Variants in ADARB2 observed in about 807,000 individuals in gnomAD.
The protein encoded by ADARB2 is inactive double-stranded RNA-specific editase B2.
Under a neutral mutation model 62.2 loss-of-function variants are expected in ADARB2, and 25 were observed. The observed-to-expected ratio is 0.40, with a 90% CI of 0.29 to 0.56. ADARB2 has a LOEUF of 0.56. Among genes scored for constraint, ADARB2 ranks in the 20% least tolerant of loss-of-function variants. The pLI, the probability that ADARB2 is intolerant of heterozygous loss-of-function variation, is 0.43. For missense variants in ADARB2, 1,071 were observed against 1,077.4 expected (o/e 0.99, Z 0.08); for synonymous variants, 572 against 500.8 (o/e 1.14, Z -1.90).
chr10:1,279,311 TG>T (rs1198924174), intron 3 of ADARB2, among the ~76,000 whole-genome samples: 6 of 152,244 alleles, frequency 3.9e-5, no homozygotes, highest in African/African-American at 9.6e-5. Context: ...ATCATTTGTT[TG>T]TTTGTTTGTC....
chr10:1,463,754 A>T (rs1408501891), intron 1 of ADARB2, among the ~76,000 whole-genome samples: 1 of 152,250 alleles, frequency 6.6e-6, no homozygotes, highest in Non-Finnish European at 1.5e-5. Flanking sequence ...GAAGCCACAG[A>T]CAGGGAGAAA....
At chr10:1,587,075 G>A (rs1833190196) in intron 1 of ADARB2, among the ~76,000 whole-genome samples, 1 of 152,092 alleles carries the variant, frequency 6.6e-6, no homozygotes, top group Non-Finnish European at 1.5e-5. Context: ...AAAGATTTTT[G>A]TTTCATTAAT....
intron 1 of ADARB2, among the ~76,000 whole-genome samples, chr10:1,601,822 C>A (rs568342544): frequency 2.6e-5 from 4 of 152,144 alleles, no homozygotes; most frequent in African/African-American, 9.7e-5. Context: ...CCTTGTGGGT[C>A]ACAGTGAGAA....
At chr10:1,453,715 G>C (rs1051026348) in intron 1 of ADARB2, among the ~76,000 whole-genome samples, 1 of 152,122 alleles carries the variant, frequency 6.6e-6, no homozygotes, top group Non-Finnish European at 1.5e-5. Flanking sequence ...TTTCTCCAAA[G>C]AAGGTAAACA....
At chr10:1,368,062 G>A (rs1246230966) in intron 2 of ADARB2, among the ~76,000 whole-genome samples, 1 of 152,138 alleles carries the variant, frequency 6.6e-6, no homozygotes, top group Non-Finnish European at 1.5e-5. Context: ...CACAGGCCCC[G>A]ATTCCCATTT....
intron 3 of ADARB2, among the ~76,000 whole-genome samples, chr10:1,272,571 A>G (rs1831273179): frequency 6.6e-6 from 1 of 152,204 alleles, no homozygotes; most frequent in African/African-American, 2.4e-5. Flanking sequence ...AAGCCGCTGT[A>G]GCCTGTAAAT....
intron 1 of ADARB2, among the ~76,000 whole-genome samples, chr10:1,523,929 C>G (rs1832106393): frequency 6.6e-6 from 1 of 152,196 alleles, no homozygotes; most frequent in Non-Finnish European, 1.5e-5. Context: ...TCTGTCTACT[C>G]AATATCCACC....
intron 1 of ADARB2, among the ~76,000 whole-genome samples, chr10:1,598,259 C>A (rs571482601): frequency 6.0e-5 from 9 of 150,994 alleles, no homozygotes; most frequent in African/African-American, 1.9e-4. Flanking sequence ...CTGGGACATC[C>A]CCTGCTGGGT....
At chr10:1,718,903 C>T (rs970765823) in intron 1 of ADARB2, among the ~76,000 whole-genome samples, 2 of 152,190 alleles carry the variant, frequency 1.3e-5, no homozygotes, top group African/African-American at 4.8e-5. Flanking sequence ...AAATTTACCT[C>T]GATTGTAGTG....
intron 1 of ADARB2, among the ~76,000 whole-genome samples, chr10:1,628,034 A>G (rs1423248414): frequency 6.6e-6 from 1 of 152,178 alleles, no homozygotes; most frequent in Non-Finnish European, 1.5e-5. Flanking sequence ...GCTTTCGCCC[A>G]TCCCTCTGTG....
At position 1,183,216 on chromosome 10, in the gene ADARB2, G is replaced by T; in HGVS notation, c.2197C>A (p.Gln733Lys). 2 of 1,613,534 alleles carry T rather than the reference G, an allele frequency of 1.2e-6. No homozygotes were observed. The highest frequency in any genetic ancestry group is 1.7e-6 in the Non-Finnish European group (2 of 1,179,994). ...GTWVRKPPEQ[Q>K]QFLLTL ...GCCTAGAGAGTCAGTAGAAACTGCT[G>T]CTGCTCCGGTGGTTTCCTCACCCAG... The change falls in exon 10 of 10, where the codon CAG becomes AAG. Residue 733 changes from glutamine to lysine, a missense_variant. Physicochemically the swap from Gln to Lys is moderately conservative, Grantham distance 53. Transcript: ENST00000381312.
In ADARB2 at chr10:1,559,754, G is replaced by C. The variant is rs189150900; in HGVS notation, c.100+177297C>G. 3.4e-3 allele frequency among the ~76,000 whole-genome samples: 525 copies of C among 152,324 alleles called. 3 individuals carry two copies. The highest frequency in any genetic ancestry group is 4.9e-3 in the Non-Finnish European group (334 of 68,026). On this transcript the variant is annotated intron_variant, in intron 1 of 9. Coordinates refer to ENST00000381312, the MANE Select transcript of ADARB2 (RefSeq NM_018702.4). ...TTACACATTTTAAGAAATTTCATAGGGTTTTCTGTAGATTTGACAGGTCTT... is the reference window on the plus strand; with the variant it reads ...TTACACATTTTAAGAAATTTCATAGCGTTTTCTGTAGATTTGACAGGTCTT...
intron 1 of ADARB2, among the ~76,000 whole-genome samples, chr10:1,640,424 T>C (rs1833967225): frequency 6.6e-6 from 1 of 152,182 alleles, no homozygotes; most frequent in Admixed American, 6.5e-5. Flanking sequence ...TTAAAGCAGG[T>C]TAAAAGCAAG....
At position 1,236,791 on chromosome 10, in the gene ADARB2, TC is replaced by T. The variant is rs1279073724; in HGVS notation, c.1362-2947del. ...CTCCCCTCTGCCTCCCGGTGTTTAC[TC>T]CCCCCCTGCCTCCCGGTGTTTACTC... On this transcript the variant is annotated intron_variant, in intron 5 of 9. Coordinates refer to ENST00000381312, the MANE Select transcript of ADARB2 (RefSeq NM_018702.4). Among the ~76,000 whole-genome samples, 4 of 754 alleles carry T rather than the reference TC, an allele frequency of 5.3e-3. 1 individual carries two copies. The highest frequency in any genetic ancestry group is 0.026 in the African/African-American group (1 of 38). 0.5% of individuals were successfully genotyped at this position (754 alleles called of 152,430 possible). A position where few individuals can be genotyped will look rare whatever the true frequency, so the allele number is the denominator to read the frequency against.
chr10:1,682,619 A>G (rs755670545), intron 1 of ADARB2, among the ~76,000 whole-genome samples: 1 of 152,196 alleles, frequency 6.6e-6, no homozygotes, highest in Admixed American at 6.5e-5. Flanking sequence ...CTCCCACTGC[A>G]GTTAGCGTCA....
chr10:1,525,498 G>T (rs1246239891), intron 1 of ADARB2, among the ~76,000 whole-genome samples: 1 of 152,062 alleles, frequency 6.6e-6, no homozygotes, highest in Non-Finnish European at 1.5e-5. Context: ...CCTCAGCCGT[G>T]CAGTTCTGTG....
chr10:1,661,137 C>T (rs1431445165), intron 1 of ADARB2, among the ~76,000 whole-genome samples: 1 of 152,224 alleles, frequency 6.6e-6, no homozygotes, highest in East Asian at 1.9e-4. Flanking sequence ...TGACCGAAAT[C>T]AGCCAGAAGC....
chr10:1,244,573 G>C (rs1339215613), intron 4 of ADARB2, among the ~76,000 whole-genome samples: 2 of 152,192 alleles, frequency 1.3e-5, no homozygotes, highest in Non-Finnish European at 2.9e-5. Context: ...AGAAGTGTTT[G>C]CATATTCAGT....
intron 4 of ADARB2, among the ~76,000 whole-genome samples, chr10:1,263,159 A>C (rs1048712857): frequency 2.0e-5 from 3 of 151,076 alleles, no homozygotes; most frequent in Non-Finnish European, 4.4e-5. Context: ...GAGGGATAGC[A>C]TTAGGAGATA....
Sources: gnomAD v4.1 joint callset for allele counts (sites outside exome capture counted in the v4.1 genomes callset) on GRCh38, gnomAD v4.1.1 for gene constraint, MANE v1.5 for transcripts, NCBI Gene and HGNC (gene_info 2026-07-23, HGNC 2026-07-21) for gene names.